SH3GL3: variants seen among roughly 807,000 people sequenced by gnomAD.
The protein encoded by SH3GL3 is endophilin-A3.
Under a neutral mutation model 47.7 loss-of-function variants are expected in SH3GL3, and 33 were observed. The ratio of observed to expected loss-of-function variants is 0.69; its 90% CI spans 0.52 to 0.92. SH3GL3 has a LOEUF of 0.92. SH3GL3 is among the 40% of genes least tolerant of loss of function. SH3GL3 has a pLI of 0.00. For synonymous variants in SH3GL3, 155 were observed against 148.8 expected (o/e 1.04, Z -0.30); for missense variants, 363 against 417.8 (o/e 0.87, Z 1.14).
Position 83,447,643 on chromosome 15 carries a change from C to T in SH3GL3, c.45+65C>T, listed in dbSNP as rs2151479551. The T allele has an allele frequency of 1.6e-6, 2 of 1,253,718 alleles. No homozygotes were observed. Among genetic ancestry groups the T allele is most frequent in the East Asian group, 3.1e-5 (1 of 32,174 alleles). 77.7% of individuals were successfully genotyped at this position (1,253,718 alleles called of 1,614,324 possible). On this transcript the variant is annotated intron_variant, in intron 1 of 8. Transcript: ENST00000427482. This position sits in a 1 kb window ranked among gnomAD's most constrained non-coding sequence, Gnocchi z 5.1. ...GGAGGCTGCGGCCCCCCGAGGCTCC[C>T]GGGCCTTTGGGACTCCTGTTCCCTG...
chr15:83,610,218 C>T (rs1303575661), intron 8 of SH3GL3, among the ~76,000 whole-genome samples: 1 of 152,206 alleles, frequency 6.6e-6, no homozygotes, highest in East Asian at 1.9e-4. Flanking sequence ...TGGGCCACCC[C>T]ATTGAATGGG....
chr15:83,532,787 T>C (rs1169061320), intron 1 of SH3GL3, among the ~76,000 whole-genome samples: 1 of 152,200 alleles, frequency 6.6e-6, no homozygotes, highest in African/African-American at 2.4e-5. Flanking sequence ...AGCTTATTCC[T>C]TATAATCTCA....
At chr15:83,570,790 C>T (rs1263254902) in intron 4 of SH3GL3, among the ~76,000 whole-genome samples, 1 of 152,158 alleles carries the variant, frequency 6.6e-6, no homozygotes, top group East Asian at 1.9e-4. Flanking sequence ...TAATATTATC[C>T]CTCAGAGCAG....
intron 6 of SH3GL3, among the ~76,000 whole-genome samples, chr15:83,576,973 G>A (rs2059700534): frequency 8.0e-6 from 1 of 124,976 alleles, no homozygotes; most frequent in African/African-American, 3.2e-5. Context: ...CTGGAGTGCA[G>A]TGTCTCGGCT....
intron 1 of SH3GL3, among the ~76,000 whole-genome samples, chr15:83,503,983 T>C (rs896725045): frequency 4.6e-5 from 7 of 152,232 alleles, no homozygotes; most frequent in Admixed American, 3.3e-4. Context: ...TACATTCTTA[T>C]CCACCTTTTA....
intron 1 of SH3GL3, among the ~76,000 whole-genome samples, chr15:83,524,168 A>G (rs2043323551): frequency 6.6e-6 from 1 of 152,146 alleles, no homozygotes; most frequent in African/African-American, 2.4e-5. Context: ...GCAGCCCTGC[A>G]AGTTTTTATT....
intron 6 of SH3GL3, 61 bp from the exon 7 acceptor site, chr15:83,586,922 C>A (rs1473345536): frequency 7.2e-6 from 6 of 837,268 alleles, no homozygotes. Context: ...CTGGTCTCCT[C>A]TCTCTCTGGA....
chr15:83,534,321 C>G (rs1490844246), intron 1 of SH3GL3, among the ~76,000 whole-genome samples: 1 of 152,168 alleles, frequency 6.6e-6, no homozygotes, highest in African/African-American at 2.4e-5. Flanking sequence ...TGCTGGTATT[C>G]TGTTATAGCA....
intron 8 of SH3GL3, among the ~76,000 whole-genome samples, chr15:83,617,780 T>C (rs1001821693): frequency 6.6e-6 from 1 of 152,194 alleles, no homozygotes; most frequent in African/African-American, 2.4e-5. Flanking sequence ...GATTCCTCTG[T>C]CGCTCCCTTA....
At chr15:83,622,496 T>A (rs1394485664), downstream of SH3GL3, among the ~76,000 whole-genome samples, 1 of 152,214 alleles carries the variant, frequency 6.6e-6, no homozygotes, top group African/African-American at 2.4e-5. Flanking sequence ...AGCTATAGAT[T>A]CAACTTTAAT....
intron 1 of SH3GL3, among the ~76,000 whole-genome samples, chr15:83,525,450 A>T (rs2043381320): frequency 6.6e-6 from 1 of 151,806 alleles, no homozygotes; most frequent in Non-Finnish European, 1.5e-5. Flanking sequence ...GTTTGTGAAT[A>T]TGTTCTCCCA....
At chr15:83,506,932 G>A (rs1884401865) in intron 1 of SH3GL3, among the ~76,000 whole-genome samples, 1 of 150,810 alleles carries the variant, frequency 6.6e-6, no homozygotes. Context: ...TTTGTTTATA[G>A]AAATCATTCT....
At chr15:83,505,517 A>T (rs2042460866) in intron 1 of SH3GL3, among the ~76,000 whole-genome samples, 1 of 132,290 alleles carries the variant, frequency 7.6e-6, no homozygotes, top group Admixed American at 8.9e-5. Context: ...TGACTACTTG[A>T]ATTTCCTTTT....
chr15:83,553,651 T>C (rs1364268460), intron 1 of SH3GL3, among the ~76,000 whole-genome samples: 5 of 152,200 alleles, frequency 3.3e-5, no homozygotes, highest in African/African-American at 9.7e-5. Flanking sequence ...ATAACACAGA[T>C]ACCTGCTGTG....
chr15:83,497,356 C>A (rs1050868169), intron 1 of SH3GL3, among the ~76,000 whole-genome samples: 1 of 152,140 alleles, frequency 6.6e-6, no homozygotes, highest in East Asian at 1.9e-4. Context: ...GTCTTGCAAG[C>A]CTACTCTGGA....
chr15:83,463,426 C>T (rs1435155482), intron 1 of SH3GL3, among the ~76,000 whole-genome samples: 3 of 152,148 alleles, frequency 2.0e-5, no homozygotes, highest in Non-Finnish European at 2.9e-5. Context: ...TTACCATCTC[C>T]TCTTTGGGTG....
At chr15:83,475,137 ATAAC>A (rs1400360031) in intron 1 of SH3GL3, among the ~76,000 whole-genome samples, 4 of 151,022 alleles carry the variant, frequency 2.6e-5, no homozygotes, top group African/African-American at 9.7e-5. Context: ...TTATATAAAT[ATAAC>A]TATATATAAA....
chr15:83,607,269 C>T (rs1488446234), intron 8 of SH3GL3, among the ~76,000 whole-genome samples: 1 of 152,104 alleles, frequency 6.6e-6, no homozygotes, highest in East Asian at 1.9e-4. Context: ...AATTTATGTA[C>T]TTGTTTTAAA....
chr15:83,459,721 G>T (rs1855631169), intron 1 of SH3GL3, among the ~76,000 whole-genome samples: 2 of 152,266 alleles, frequency 1.3e-5, no homozygotes, highest in East Asian at 1.9e-4. Context: ...CATTTAAAAT[G>T]ATAATTTCAT....
Sources: gnomAD v4.1 joint callset for allele counts (sites outside exome capture counted in the v4.1 genomes callset) on GRCh38, gnomAD v4.1.1 for gene constraint, Gnocchi (gnomAD v3.1) non-coding constraint, MANE v1.5 for transcripts, NCBI Gene and HGNC (gene_info 2026-07-23, HGNC 2026-07-21) for gene names.